Variants in ALDH9A1 observed in about 807,000 individuals in gnomAD.
ALDH9A1 encodes the protein aldehyde dehydrogenase 9 family member A1, also known as 4-trimethylaminobutyraldehyde dehydrogenase.
ALDH9A1 carries 42 observed loss-of-function variants against 56.6 expected under a neutral mutation model. The observed-to-expected ratio is 0.74, with a 90% CI of 0.58 to 0.96. The LOEUF (loss-of-function observed/expected upper bound fraction) is 0.96. ALDH9A1 is among the 40% of genes least tolerant of loss of function. The probability of loss-of-function intolerance (pLI) is 0.00; values close to 1 mark genes in which losing one functional copy is unlikely to be tolerated. For missense variants in ALDH9A1, 661 were observed against 651.5 expected (o/e 1.01, Z -0.16); for synonymous variants, 242 against 236.0 (o/e 1.03, Z -0.23).
intron 2 of ALDH9A1, among the ~76,000 whole-genome samples, chr1:165,686,296 G>A (rs1298940887): frequency 2.0e-5 from 3 of 152,116 alleles, no homozygotes; most frequent in South Asian, 2.1e-4. Context: ...GAGCAGGGAG[G>A]AGGAAGCTAG....
At chr1:165,671,592 G>A (rs1030038855) in intron 6 of ALDH9A1, 6 of 464,116 alleles carry the variant, frequency 1.3e-5, no homozygotes, top group African/African-American at 4.1e-5. Flanking sequence ...GAGAGGAAGA[G>A]AAAGGATGAG....
chr1:165,692,465 T>C (rs1415754467), intron 2 of ALDH9A1, among the ~76,000 whole-genome samples: 3 of 152,164 alleles, frequency 2.0e-5, no homozygotes, highest in African/African-American at 4.8e-5. Context: ...CCATTCACAA[T>C]TGCTTCAAAG....
At chr1:165,694,332 A>G (rs1407075726) in intron 2 of ALDH9A1, among the ~76,000 whole-genome samples, 1 of 152,142 alleles carries the variant, frequency 6.6e-6, no homozygotes, top group Non-Finnish European at 1.5e-5. Context: ...CAAGTTTCAA[A>G]CAGAGGACCT....
intron 1 of ALDH9A1, 194 bp downstream of exon 1, chr1:165,698,183 TC>T: frequency 7.4e-7 from 1 of 1,346,762 alleles, no homozygotes; most frequent in Non-Finnish European, 9.5e-7. Flanking sequence ...TTGCTTTTCC[TC>T]CCTACCCATC....
In ALDH9A1 at chr1:165,679,451, T is replaced by A; in HGVS notation, c.921A>T (p.Thr307=). 1 of 1,614,100 alleles carries A rather than the reference T, an allele frequency of 6.2e-7. No individual in the cohort carries two copies. The highest frequency in any genetic ancestry group is 8.5e-7 in the Non-Finnish European group (1 of 1,179,980). ...VKGALMANFL[T]QGQVCCNGTR... is the part of the protein sequence containing the mutation. ...AGGGACAGGTACATACCTGGCCTTG[T>A]GTGAGGAAGTTGGCCATCAGCGCCC... Residue 307 remains threonine, a synonymous_variant, in exon 6 of 11, where the codon ACA becomes ACT. Transcript: ENST00000354775.
intron 1 of ALDH9A1, 149 bp downstream of exon 1, chr1:165,698,229 C>G: frequency 7.2e-7 from 1 of 1,381,120 alleles, no homozygotes; most frequent in Non-Finnish European, 9.3e-7. Context: ...CCCAGAATCG[C>G]TAGTTGCCTA....
intron 2 of ALDH9A1, among the ~76,000 whole-genome samples, chr1:165,687,525 A>G (rs1649749416): frequency 6.6e-6 from 1 of 152,232 alleles, no homozygotes; most frequent in African/African-American, 2.4e-5. Flanking sequence ...TAAAAATGAC[A>G]GTAAATTTCT....
chr1:165,668,448 A>T (rs556772145), intron 8 of ALDH9A1, among the ~76,000 whole-genome samples: 90 of 152,256 alleles, frequency 5.9e-4, no homozygotes, highest in Non-Finnish European at 1.2e-3. Flanking sequence ...ACCATGACTG[A>T]AATCTTCCTG....
chr1:165,687,020 C>T (rs1007487461), intron 2 of ALDH9A1, among the ~76,000 whole-genome samples: 5 of 151,942 alleles, frequency 3.3e-5, no homozygotes, highest in African/African-American at 1.2e-4. Context: ...ATAAAAGACC[C>T]AAATTAATCT....
intron 10 of ALDH9A1, among the ~76,000 whole-genome samples, chr1:165,664,294 C>T (rs1558000689): frequency 6.6e-6 from 1 of 152,166 alleles, no homozygotes; most frequent in Non-Finnish European, 1.5e-5. Context: ...AACCAATTTT[C>T]ACTCTAGAAG....
At chr1:165,693,715 G>A (rs1402814750) in intron 2 of ALDH9A1, among the ~76,000 whole-genome samples, 2 of 152,146 alleles carry the variant, frequency 1.3e-5, no homozygotes, top group Admixed American at 6.6e-5. Flanking sequence ...CCATTACTGG[G>A]TATATACTCA....
Position 165,662,854 on chromosome 1 carries a change from A to T in ALDH9A1, c.*196T>A. 1.8e-6 allele frequency: 1 copy of T among 566,526 alleles called. No individual in the cohort carries two copies. Among genetic ancestry groups the T allele is most frequent in the Non-Finnish European group, 3.2e-6 (1 of 316,438 alleles). 35.1% of individuals were successfully genotyped at this position (566,526 alleles called of 1,614,324 possible). A position where few individuals can be genotyped will look rare whatever the true frequency, so the allele number is the denominator to read the frequency against. ...GAGGAGAATCACAGCTTTCTTGATT[A>T]GTATCTACAAGGCACTTAATGCACA... On this transcript the variant is annotated 3_prime_UTR_variant, in exon 11 of 11. Coordinates refer to ENST00000354775, the MANE Select transcript of ALDH9A1 (RefSeq NM_000696.4).
intron 6 of ALDH9A1, among the ~76,000 whole-genome samples, chr1:165,673,151 T>G (rs1233199419): frequency 6.9e-6 from 1 of 145,246 alleles, no homozygotes; most frequent in Non-Finnish European, 1.5e-5. Flanking sequence ...AAGACCTGGA[T>G]AGACATATTT....
At chr1:165,690,986 T>A (rs1247358063) in intron 2 of ALDH9A1, among the ~76,000 whole-genome samples, 1 of 152,226 alleles carries the variant, frequency 6.6e-6, no homozygotes, top group Non-Finnish European at 1.5e-5. Context: ...TAAACGTCCC[T>A]GTCTGACAGC....
chr1:165,674,264 A>G (rs1181827806), intron 6 of ALDH9A1, among the ~76,000 whole-genome samples: 2 of 142,170 alleles, frequency 1.4e-5, no homozygotes, highest in African/African-American at 5.2e-5. Flanking sequence ...AGCTCTGCCT[A>G]TGGAGTAGGC....
At chr1:165,682,912 C>T (rs1649594549) in intron 3 of ALDH9A1, 69 bp downstream of exon 3, 1 of 1,528,864 alleles carries the variant, frequency 6.5e-7, no homozygotes, top group African/African-American at 1.4e-5. Flanking sequence ...AAAATCTTTG[C>T]CCTTCACCAC....
chr1:165,663,084 C>T lies in ALDH9A1; in HGVS notation c.1523G>A (p.Cys508Tyr), dbSNP rs1648894660. Residue 508 changes from cysteine to tyrosine, a missense_variant, in exon 11 of 11, where the codon TGT becomes TAT. Physicochemically the swap from Cys to Tyr is radical, Grantham distance 194 (BLOSUM62 -2). Transcript: ENST00000354775. ...IEYYSQLKTV[C>Y]VEMGDVESAF ...AGATTCCACATCACCCATCTCCACA[C>T]ACACAGTCTTCAGCTGTGAATAATA... The T allele has an allele frequency of 1.2e-6, 2 of 1,613,952 alleles. No individual in the cohort carries two copies. Among genetic ancestry groups the T allele is most frequent in the African/African-American group, 2.7e-5 (2 of 74,912 alleles).
intron 2 of ALDH9A1, among the ~76,000 whole-genome samples, chr1:165,685,859 C>G (rs1558009953): frequency 6.6e-6 from 1 of 152,168 alleles, no homozygotes; most frequent in Non-Finnish European, 1.5e-5. Flanking sequence ...AAGAAGATAA[C>G]CTACATACAC....
At chr1:165,679,931 T>G (rs2101746643) in intron 5 of ALDH9A1, among the ~76,000 whole-genome samples, 1 of 152,220 alleles carries the variant, frequency 6.6e-6, no homozygotes, top group East Asian at 1.9e-4. Flanking sequence ...GAGGACTGCC[T>G]GAGCCCAGGA....
Sources: allele counts gnomAD v4.1 joint callset (sites outside exome capture counted in the v4.1 genomes callset), GRCh38; gene constraint gnomAD v4.1.1; transcripts MANE v1.5; gene names NCBI Gene and HGNC (gene_info 2026-07-23, HGNC 2026-07-21).